The following FBXW8 variants were observed in gnomAD, a reference collection of about 807,000 sequenced individuals.
FBXW8 encodes F-box/WD repeat-containing protein 8.
A neutral mutation model predicts 65.3 loss-of-function variants in FBXW8; 57 were observed. The ratio of observed to expected loss-of-function variants is 0.87; its 90% CI spans 0.71 to 1.09. FBXW8 has a LOEUF of 1.09. FBXW8 is among the 50% of genes least tolerant of loss of function. The probability of loss-of-function intolerance (pLI) is 0.00; values close to 1 mark genes in which losing one functional copy is unlikely to be tolerated. For missense variants in FBXW8, 777 were observed against 814.8 expected (o/e 0.95, Z 0.57); for synonymous variants, 308 against 330.2 (o/e 0.93, Z 0.73).
chr12:116,937,548 G>A (rs1472168051), intron 2 of FBXW8, among the ~76,000 whole-genome samples: 3 of 152,314 alleles, frequency 2.0e-5, no homozygotes, highest in East Asian at 3.9e-4. Flanking sequence ...GGTGTTAAGC[G>A]CTGTTGTTCA....
At chr12:116,932,178 G>A (rs1211662408) in intron 2 of FBXW8, among the ~76,000 whole-genome samples, 1 of 152,146 alleles carries the variant, frequency 6.6e-6, no homozygotes, top group African/African-American at 2.4e-5. Context: ...TTAAATGGGT[G>A]TATGATTGCT....
intron 8 of FBXW8, among the ~76,000 whole-genome samples, chr12:117,012,644 C>T (rs778416672): frequency 1.3e-5 from 2 of 152,168 alleles, no homozygotes; most frequent in Non-Finnish European, 2.9e-5. Flanking sequence ...GATGCTGGCC[C>T]AGGCTTGTAT....
intron 8 of FBXW8, among the ~76,000 whole-genome samples, chr12:117,016,282 C>T (rs1211940498): frequency 6.6e-6 from 1 of 152,228 alleles, no homozygotes; most frequent in Non-Finnish European, 1.5e-5. Context: ...TTCCCACCAG[C>T]ACTGGATGAG....
chr12:116,964,850 G>T lies in FBXW8; in HGVS notation c.831G>T (p.Glu277Asp). ...INSSLAVAAY[E>D]DGFLNIWDLR... ...GCTCGTTGGCAGTAGCAGCTTATGA[G>T]GATGGTAAGTAACCACAACCCTCCT... The change falls in exon 5 of 11, where the codon GAG (glutamate) becomes GAT (aspartate). Residue 277 changes from glutamate to aspartate, a missense_variant. Glu to Asp is a conservative substitution (Grantham distance 45). Coordinates refer to ENST00000652555, the MANE Select transcript of FBXW8 (RefSeq NM_153348.3). 1 of 1,602,396 alleles carries T rather than the reference G, an allele frequency of 6.2e-7. No individual in the cohort carries two copies. The highest frequency in any genetic ancestry group is 2.2e-5 in the East Asian group (1 of 44,742).
At chr12:116,974,557 C>T (rs950818372) in intron 5 of FBXW8, among the ~76,000 whole-genome samples, 3 of 152,166 alleles carry the variant, frequency 2.0e-5, no homozygotes, top group African/African-American at 7.2e-5. Flanking sequence ...GAATAAACTT[C>T]CATACTATTT....
chr12:117,017,340 G>A (rs990290959), intron 8 of FBXW8, among the ~76,000 whole-genome samples: 27 of 152,206 alleles, frequency 1.8e-4, no homozygotes, highest in African/African-American at 6.3e-4. Flanking sequence ...CAGTCCGAAG[G>A]GCTTGTTAAT....
At chr12:116,927,880 G>A (rs1881448960) in intron 1 of FBXW8, 143 bp from the exon 2 acceptor site, 1 of 598,110 alleles carries the variant, frequency 1.7e-6, no homozygotes. Context: ...TGGTGAAACA[G>A]TATGGATGCC....
intron 5 of FBXW8, among the ~76,000 whole-genome samples, chr12:116,974,428 G>A (rs1884804192): frequency 6.6e-6 from 1 of 152,184 alleles, no homozygotes; most frequent in Non-Finnish European, 1.5e-5. Flanking sequence ...AGGGTACCAT[G>A]TTTTAGTAAT....
chr12:116,954,445 T>C (rs1231065872), intron 4 of FBXW8, among the ~76,000 whole-genome samples: 1 of 152,214 alleles, frequency 6.6e-6, no homozygotes, highest in Non-Finnish European at 1.5e-5. Context: ...CCCCTAATAG[T>C]GGACATTAAG....
At chr12:117,019,551 T>A (rs1592966359) in intron 8 of FBXW8, among the ~76,000 whole-genome samples, 1 of 152,242 alleles carries the variant, frequency 6.6e-6, no homozygotes, top group Non-Finnish European at 1.5e-5. Flanking sequence ...CTCCTCTGTG[T>A]CCTAAAACGA....
chr12:116,947,227 C>A (rs1020517914), intron 3 of FBXW8, among the ~76,000 whole-genome samples: 2 of 152,128 alleles, frequency 1.3e-5, no homozygotes, highest in Admixed American at 6.6e-5. Context: ...AACAGGAAGT[C>A]ATGTGTTAGG....
intron 7 of FBXW8, among the ~76,000 whole-genome samples, chr12:116,999,513 A>G (rs1475695794): frequency 6.6e-6 from 1 of 152,120 alleles, no homozygotes; most frequent in Non-Finnish European, 1.5e-5. Context: ...AATGACATGA[A>G]AATAATCCCT....
rs1232201992 is a variant in FBXW8 at position 116,928,102 on chromosome 12, G to C, written c.398G>C (p.Arg133Thr). 1.2e-6 allele frequency: 2 copies of C among 1,609,526 alleles called. No homozygotes were observed. Among genetic ancestry groups the C allele is most frequent in the African/African-American group, 2.7e-5 (2 of 74,692 alleles). ...LAINIFQYLD[R>T]KELGRCAQVS... ...ATCAATATATTTCAGTATCTGGACA[G>C]GAAAGAACTAGGAAGATGTGCACAG... Residue 133 changes from arginine to threonine, a missense_variant, in exon 2 of 11, where the codon AGG (arginine) becomes ACG (threonine). Arg to Thr is a moderately conservative substitution (Grantham distance 71). Transcript: ENST00000652555.
chr12:116,986,137 C>G (rs1885661009), intron 6 of FBXW8: 1 of 152,210 alleles, frequency 6.6e-6, no homozygotes, highest in Admixed American at 6.5e-5. Flanking sequence ...AAAGCCAACA[C>G]TGAGTGATGA....
At chr12:116,977,710 G>A (rs1885043631) in intron 5 of FBXW8, 1 of 152,222 alleles carries the variant, frequency 6.6e-6, no homozygotes, top group Non-Finnish European at 1.5e-5. Context: ...GCACAGTGAT[G>A]TCTCTTTCAC....
At chr12:116,971,662 T>C (rs1477455398) in intron 5 of FBXW8, among the ~76,000 whole-genome samples, 1 of 152,236 alleles carries the variant, frequency 6.6e-6, no homozygotes, top group Non-Finnish European at 1.5e-5. Context: ...GATTGGATTT[T>C]GGGTGAGAGC....
chr12:116,923,095 A>G (rs1439845280), intron 1 of FBXW8, among the ~76,000 whole-genome samples: 5 of 152,172 alleles, frequency 3.3e-5, no homozygotes, highest in African/African-American at 9.7e-5. Flanking sequence ...AATCTCAGCT[A>G]CTTGGGAGGC....
intron 8 of FBXW8, among the ~76,000 whole-genome samples, chr12:117,017,763 A>G (rs1953988979): frequency 6.6e-6 from 1 of 152,150 alleles, no homozygotes; most frequent in Non-Finnish European, 1.5e-5. Context: ...GTCCTCCTTA[A>G]TGAAACTGCC....
rs1374962238 is a variant in FBXW8 at position 116,988,846 on chromosome 12, G to T, written c.1216G>T (p.Gly406Ter). The stretch of plus-strand genomic sequence containing the variant: ...AGTTGCTTTTGGTGTACAGGGTCTG[G>T]GATGGGTGTACGAAGGAAGCAAGGT... ...NQVAFGVQGLGWVYEGSKILV... is the reference protein window; with the variant it reads ...NQVAFGVQGL Residue 406 changes from glycine to a stop codon, truncating the protein, a stop_gained, in exon 7 of 11, where the codon GGA (glycine) becomes TGA (stop). Coordinates refer to ENST00000652555, the MANE Select transcript of FBXW8 (RefSeq NM_153348.3). LOFTEE classifies it high-confidence loss of function. The T allele has an allele frequency of 1.2e-6, 2 of 1,614,022 alleles. No individual in the cohort carries two copies. The highest frequency in any genetic ancestry group is 2.2e-5 in the East Asian group (1 of 44,876).
Sources: gnomAD v4.1 joint callset for allele counts (sites outside exome capture counted in the v4.1 genomes callset) on GRCh38, gnomAD v4.1.1 for gene constraint, MANE v1.5 for transcripts, NCBI Gene and HGNC (gene_info 2026-07-23, HGNC 2026-07-21) for gene names.